Variants in ERP44 observed in about 807,000 individuals in gnomAD.
ERP44 encodes endoplasmic reticulum protein 44, also known as endoplasmic reticulum resident protein 44.
In ERP44, 25 loss-of-function variants were observed where a neutral mutation model predicts 53.4. That is an observed-to-expected ratio of 0.47 (90% confidence interval 0.34 to 0.65). The LOEUF is 0.65. ERP44 is among the 30% of genes least tolerant of loss of function. ERP44 has a pLI of 0.01. For missense variants in ERP44, 338 were observed against 493.2 expected, an observed-to-expected ratio of 0.69 and a Z score of 2.98; for synonymous variants, 145 against 161.2, an observed-to-expected ratio of 0.90 and a Z score of 0.76.
At chr9:100,094,555 G>A (rs868245086) in intron 1 of ERP44, among the ~76,000 whole-genome samples, 4 of 152,222 alleles carry the variant, frequency 2.6e-5, no homozygotes, top group African/African-American at 7.2e-5. Flanking sequence ...CTAATGGGGA[G>A]GCTGAGGCAG....
In ERP44 at chr9:100,018,319, G is replaced by A; in HGVS notation, c.588-6C>T. 6.3e-7 allele frequency: 1 copy of A among 1,579,048 alleles called. No homozygotes were observed. Among genetic ancestry groups the A allele is most frequent in the Non-Finnish European group, 8.7e-7 (1 of 1,148,546 alleles). Reference sequence around the variant, plus strand: ...TTTCCGGTTTTGAAACATCCCTATAGGAAGGGAGAAATAGTAATAAACCTG... The same window carrying A: ...TTTCCGGTTTTGAAACATCCCTATAAGAAGGGAGAAATAGTAATAAACCTG... On this transcript the variant is annotated splice_polypyrimidine_tract_variant and splice_region_variant and intron_variant, in intron 6 of 11. Transcript: ENST00000262455.
intron 1 of ERP44, among the ~76,000 whole-genome samples, chr9:100,086,182 T>G (rs1826480195): frequency 6.6e-6 from 1 of 152,238 alleles, no homozygotes; most frequent in African/African-American, 2.4e-5. Context: ...AACGCATGTT[T>G]CCTCACTTTC....
At chr9:100,007,785 T>C (rs765237815) in intron 8 of ERP44, 96 bp from the exon 9 acceptor site, 2 of 717,530 alleles carry the variant, frequency 2.8e-6, no homozygotes, top group Non-Finnish European at 5.0e-6. Context: ...ACCCATGTAA[T>C]GCAATAGTTG....
intron 1 of ERP44, among the ~76,000 whole-genome samples, chr9:100,092,785 G>A (rs1265409739): frequency 6.6e-6 from 1 of 152,148 alleles, no homozygotes; most frequent in Non-Finnish European, 1.5e-5. Flanking sequence ...TCAAAGAAAT[G>A]TAAATTTAAA....
chr9:100,084,104 A>G (rs1245318960), intron 1 of ERP44, among the ~76,000 whole-genome samples: 19 of 152,308 alleles, frequency 1.2e-4, no homozygotes, highest in Middle Eastern at 3.4e-3. Flanking sequence ...AGAGTCTTAC[A>G]GAAGACTTAC....
chr9:100,035,533 G>A (rs988777001), intron 4 of ERP44, among the ~76,000 whole-genome samples: 8 of 152,146 alleles, frequency 5.3e-5, no homozygotes, highest in African/African-American at 1.7e-4. Context: ...AAATTAGCCC[G>A]GCATGGTGGC....
At chr9:100,032,042 C>G (rs959354135) in intron 4 of ERP44, among the ~76,000 whole-genome samples, 3 of 152,126 alleles carry the variant, frequency 2.0e-5, no homozygotes, top group African/African-American at 7.2e-5. Context: ...ATGCTCTTGG[C>G]CCCCTAGAAG....
intron 1 of ERP44, among the ~76,000 whole-genome samples, chr9:100,096,238 G>A (rs539619870): frequency 4.3e-4 from 65 of 152,098 alleles, no homozygotes; most frequent in African/African-American, 1.4e-3. Flanking sequence ...TACACAACCA[G>A]TGCAGGAAAA....
intron 10 of ERP44, among the ~76,000 whole-genome samples, chr9:99,999,994 A>G (rs974432662): frequency 6.6e-6 from 1 of 152,100 alleles, no homozygotes; most frequent in African/African-American, 2.4e-5. Flanking sequence ...TTTTTGCACC[A>G]TCGTCAAAAA....
chr9:100,034,128 C>T (rs1825825762), intron 4 of ERP44, among the ~76,000 whole-genome samples: 1 of 152,038 alleles, frequency 6.6e-6, no homozygotes, highest in South Asian at 2.1e-4. Context: ...CATTCTAAGT[C>T]ATAGGATGAG....
chr9:100,037,569 A>G (rs945725398), intron 4 of ERP44, among the ~76,000 whole-genome samples: 3 of 151,852 alleles, frequency 2.0e-5, no homozygotes, highest in Non-Finnish European at 2.9e-5. Context: ...ATAGCTCACC[A>G]CTCCAAAAGA....
intron 4 of ERP44, 95 bp from the exon 5 acceptor site, chr9:100,022,321 C>G: frequency 7.5e-6 from 7 of 937,528 alleles, no homozygotes; most frequent in Admixed American, 3.1e-5. Flanking sequence ...TTAGTGAGAA[C>G]TTTTTGGTTC....
In ERP44 at chr9:99,998,941, A is replaced by G. The variant is rs943182781; in HGVS notation, c.1016+7565T>C. The G allele has an allele frequency of 6.9e-6, 11 of 1,590,054 alleles. No homozygotes were observed. The African/African-American group carries it at 1.3e-4, about 19-fold the overall frequency. ...GCACTGGTCTTCTCTTCCTCCACAC[A>G]GTAGGTTTCTAAAAAGTTTTTATAT... On this transcript the variant is annotated intron_variant, in intron 10 of 11. Transcript: ENST00000262455.
chr9:99,995,941 T>A (rs1260802447), intron 10 of ERP44, among the ~76,000 whole-genome samples: 1 of 128,850 alleles, frequency 7.8e-6, no homozygotes, highest in East Asian at 2.2e-4. Context: ...TTTTTTTTTT[T>A]ATTTTGAGTA....
In ERP44 at chr9:100,079,942, AC is replaced by A. The variant is rs149350263; in HGVS notation, c.57+18841del. On this transcript the variant is annotated intron_variant, in intron 1 of 11. Transcript: ENST00000262455. ...AGAGTGAGTGCTGTCTTTAAAAAAA[AC>A]AAAAAAAAAAAAAACAGAATCATAA... Among the ~76,000 whole-genome samples the A allele has an allele frequency of 2.8e-3, 332 of 119,502 alleles. 1 individual carries two copies. The highest frequency in any genetic ancestry group is 0.015 in the African/African-American group (301 of 20,238). The allele number at this position is 119,502 out of a possible 152,430, so 78.4% of individuals were successfully genotyped here. A position where few individuals can be genotyped will look rare whatever the true frequency, so the allele number is the denominator to read the frequency against.
Position 100,027,171 on chromosome 9 carries a change from G to C in ERP44, c.287-4945C>G. 1.3e-5 allele frequency among the ~76,000 whole-genome samples: 2 copies of C among 152,216 alleles called. 1 individual carries two copies. The highest frequency in any genetic ancestry group is 3.8e-4 in the East Asian group (2 of 5,198). Reference sequence around the variant, plus strand: ...TCAAAAAATTCACCTGGAAGTAGTAGAGAACCAGGGAGACTAGTACTGTAA... The same window carrying C: ...TCAAAAAATTCACCTGGAAGTAGTACAGAACCAGGGAGACTAGTACTGTAA... On this transcript the variant is annotated intron_variant, in intron 4 of 11. Coordinates refer to ENST00000262455, the MANE Select transcript of ERP44 (RefSeq NM_015051.3).
chr9:100,098,739 G>A (rs373174478), intron 1 of ERP44, 45 bp downstream of exon 1: 2 of 1,538,162 alleles, frequency 1.3e-6, no homozygotes, highest in Middle Eastern at 1.7e-4. Context: ...GAGGGCCGGA[G>A]GCCGTTCGTG....
chr9:100,079,197 A>T (rs1297890904), intron 1 of ERP44, among the ~76,000 whole-genome samples: 3 of 152,180 alleles, frequency 2.0e-5, no homozygotes, highest in Admixed American at 6.5e-5. Context: ...CATGGCCAGG[A>T]CATAAAGCAG....
intron 10 of ERP44, among the ~76,000 whole-genome samples, chr9:99,994,631 C>T (rs1393855662): frequency 1.3e-5 from 2 of 152,048 alleles, no homozygotes; most frequent in Non-Finnish European, 2.9e-5. Flanking sequence ...TGCACATGTA[C>T]CCTAGAACTT....
Sources: allele counts gnomAD v4.1 joint callset (sites outside exome capture counted in the v4.1 genomes callset), GRCh38; gene constraint gnomAD v4.1.1; transcripts MANE v1.5; gene names NCBI Gene and HGNC (gene_info 2026-07-23, HGNC 2026-07-21).